The following NELL2 variants were observed in gnomAD, a reference collection of about 807,000 sequenced individuals.
NELL2 encodes neural EGFL like 2.
NELL2 carries 41 observed loss-of-function variants against 109.6 expected under a neutral mutation model. The ratio of observed to expected loss-of-function variants is 0.37; its 90% CI spans 0.29 to 0.49. NELL2 has a LOEUF of 0.49. Ranked by LOEUF, NELL2 falls within the 20% of genes least tolerant of loss-of-function variation. The probability of loss-of-function intolerance (pLI) is 0.98; values close to 1 mark genes in which losing one functional copy is unlikely to be tolerated. For missense variants in NELL2, 900 were observed against 1,008.3 expected, an observed-to-expected ratio of 0.89 and a Z score of 1.45; for synonymous variants, 355 against 344.7, an observed-to-expected ratio of 1.03 and a Z score of -0.33.
intron 15 of NELL2, among the ~76,000 whole-genome samples, chr12:44,534,932 T>C (rs1475611484): frequency 6.6e-6 from 1 of 152,032 alleles, no homozygotes; most frequent in East Asian, 1.9e-4. Context: ...ATGGTATAGA[T>C]ATATATTTCA....
At chr12:44,573,121 T>C (rs188576137) in intron 15 of NELL2, among the ~76,000 whole-genome samples, 2 of 152,308 alleles carry the variant, frequency 1.3e-5, no homozygotes, top group Non-Finnish European at 2.9e-5. Flanking sequence ...AATGAGAGCA[T>C]AGCCCAGATA....
chr12:44,914,927 G>C (rs1001258640), upstream of NELL2, among the ~76,000 whole-genome samples: 1 of 151,602 alleles, frequency 6.6e-6, no homozygotes, highest in Non-Finnish European at 1.5e-5. Context: ...TCGGCTCACT[G>C]TAAGCTCGGT....
At chr12:44,743,873 C>A (rs942926361) in intron 9 of NELL2, among the ~76,000 whole-genome samples, 5 of 152,138 alleles carry the variant, frequency 3.3e-5, no homozygotes, top group African/African-American at 1.2e-4. Context: ...ACCTCACTGT[C>A]AACATTAGAC....
intron 3 of NELL2, among the ~76,000 whole-genome samples, chr12:44,780,294 A>G (rs1566377463): frequency 6.6e-6 from 1 of 152,144 alleles, no homozygotes; most frequent in East Asian, 1.9e-4. Context: ...TCAATCTGGA[A>G]ATATCAATGA....
intron 2 of NELL2, among the ~76,000 whole-genome samples, chr12:44,837,692 T>TC (rs1448545623): frequency 6.6e-6 from 1 of 152,174 alleles, no homozygotes; most frequent in Non-Finnish European, 1.5e-5. Flanking sequence ...AAGAAAGTTT[T>TC]TTTTTTTTCT....
rs1945313118 is a variant in NELL2 at position 44,876,115 on chromosome 12, G to C, written c.-246C>G. 16 of 1,315,932 alleles carry C rather than the reference G, an allele frequency of 1.2e-5. No homozygotes were observed. Among genetic ancestry groups the C allele is most frequent in the Middle Eastern group, 3.0e-4 (1 of 3,356 alleles). The allele number at this position is 1,315,932 out of a possible 1,614,324, so 81.5% of individuals were successfully genotyped here. On this transcript the variant is annotated 5_prime_UTR_variant, in exon 1 of 20. Transcript: ENST00000429094. ...CACGCAGGGCCGAGGCGGCAGCGCG[G>C]CCCGGAGGGGGCCCGGAGGGAGGGG...
At chr12:44,547,414 G>A (rs375890052) in intron 15 of NELL2, among the ~76,000 whole-genome samples, 75 of 152,168 alleles carry the variant, frequency 4.9e-4, no homozygotes, top group South Asian at 1.9e-3. Context: ...AAATGCTTGC[G>A]ATAAATATCA....
rs777735423 is a variant in NELL2 at position 44,665,601 on chromosome 12, C to T, written c.1327G>A (p.Glu443Lys). 2.5e-6 allele frequency: 4 copies of T among 1,612,082 alleles called. No homozygotes were observed. The African/African-American group carries it at 5.3e-5, about 22-fold the overall frequency. Residue 443 changes from glutamate (E) to lysine (K), a missense_variant, in exon 13 of 20, where the codon GAG (glutamate) becomes AAG (lysine). Transcript: ENST00000429094. ...CAGTAATGGCGCCCTTCAGCACACTCATCGATGTCTGTGAAGAAAAACAGG... is the reference window on the plus strand; with the variant it reads ...CAGTAATGGCGCCCTTCAGCACACTTATCGATGTCTGTGAAGAAAAACAGG... Reference protein sequence around the residue: ...EDNAYCEDIDECAEGRHYCRE... With the variant: ...EDNAYCEDIDKCAEGRHYCRE...
intron 9 of NELL2, among the ~76,000 whole-genome samples, chr12:44,735,078 T>C (rs1939569017): frequency 6.6e-6 from 1 of 152,146 alleles, no homozygotes. Flanking sequence ...TTTAGACTTT[T>C]TTGTCTTCAA....
intron 13 of NELL2, among the ~76,000 whole-genome samples, chr12:44,631,834 G>A (rs1298849068): frequency 6.6e-6 from 1 of 151,912 alleles, no homozygotes; most frequent in South Asian, 2.1e-4. Flanking sequence ...TTCTGTCAGG[G>A]AGCTTACCCT....
intron 14 of NELL2, among the ~76,000 whole-genome samples, chr12:44,610,322 G>A (rs1050232865): frequency 6.6e-6 from 1 of 151,640 alleles, no homozygotes; most frequent in East Asian, 1.9e-4. Flanking sequence ...CAAATAGGTT[G>A]ACAACGCTGC....
At position 44,738,840 on chromosome 12, in the gene NELL2, G is replaced by A. The variant is rs536847186; in HGVS notation, c.995-24099C>T. On this transcript the variant is annotated intron_variant, in intron 9 of 19. Coordinates refer to ENST00000429094, the MANE Select transcript of NELL2 (RefSeq NM_001145108.2). ...TTTCTGATCATAAAAAGGTAAATAT[G>A]TGAGGTGACAAGTTAATAAGCTGAA... Among the ~76,000 whole-genome samples, 13 of 152,288 alleles carry A rather than the reference G, an allele frequency of 8.5e-5. No homozygotes were observed. The South Asian group carries it at 2.5e-3, about 29-fold the overall frequency.
chr12:44,733,932 A>C (rs1211567087), intron 9 of NELL2, among the ~76,000 whole-genome samples: 2 of 152,068 alleles, frequency 1.3e-5, no homozygotes, highest in East Asian at 3.8e-4. Context: ...ACAGCATAAA[A>C]TCAGTATTTA....
At chr12:44,797,893 C>T (rs34853796) in intron 3 of NELL2, among the ~76,000 whole-genome samples, 1,421 of 55,010 alleles carry the variant, frequency 0.026, 56 homozygotes, top group African/African-American at 0.041. Flanking sequence ...TGGAATAAAA[C>T]CATTCCATCC....
chr12:44,608,815 C>T (rs990510329), intron 14 of NELL2, among the ~76,000 whole-genome samples: 2 of 151,562 alleles, frequency 1.3e-5, no homozygotes, highest in Non-Finnish European at 2.9e-5. Flanking sequence ...ATTGTAGTCT[C>T]CGCTCATGCA....
At chr12:44,868,173 C>T (rs905502392) in intron 2 of NELL2, among the ~76,000 whole-genome samples, 5 of 111,866 alleles carry the variant, frequency 4.5e-5, no homozygotes, top group African/African-American at 1.3e-4. Flanking sequence ...ATCATGAAAA[C>T]AATCTCATTT....
chr12:44,804,369 C>T, intron 3 of NELL2, among the ~76,000 whole-genome samples: 1 of 151,828 alleles, frequency 6.6e-6, no homozygotes, highest in Admixed American at 6.6e-5. Context: ...AAATATAAGA[C>T]TTCTCTCCAG....
At chr12:44,684,792 A>G (rs1242334340) in intron 12 of NELL2, among the ~76,000 whole-genome samples, 1 of 152,094 alleles carries the variant, frequency 6.6e-6, no homozygotes, top group African/African-American at 2.4e-5. Context: ...ATAGTTTGTT[A>G]TAATTTCTGT....
At chr12:44,532,923 G>T (rs537717551) in intron 15 of NELL2, among the ~76,000 whole-genome samples, 1 of 152,262 alleles carries the variant, frequency 6.6e-6, no homozygotes, top group South Asian at 2.1e-4. Flanking sequence ...CATCTAGAAG[G>T]CTTCTTTGAT....
Sources: allele counts gnomAD v4.1 joint callset (sites outside exome capture counted in the v4.1 genomes callset), GRCh38; gene constraint gnomAD v4.1.1; transcripts MANE v1.5; gene names NCBI Gene and HGNC (gene_info 2026-07-23, HGNC 2026-07-21).